CDH13: variants seen among roughly 807,000 people sequenced by gnomAD.
CDH13 encodes cadherin 13.
In CDH13, 24 loss-of-function variants were observed where a neutral mutation model predicts 63.8. The observed-to-expected ratio is 0.38, with a 90% CI of 0.27 to 0.53. The LOEUF (loss-of-function observed/expected upper bound fraction) is 0.53. Among genes scored for constraint, CDH13 ranks in the 20% least tolerant of loss-of-function variants. The pLI, the probability that CDH13 is intolerant of heterozygous loss-of-function variation, is 0.85. For missense variants in CDH13, 1,049 were observed against 903.1 expected, an observed-to-expected ratio of 1.16 and a Z score of -2.07; for synonymous variants, 503 against 355.3, an observed-to-expected ratio of 1.42 and a Z score of -4.67.
intron 6 of CDH13, among the ~76,000 whole-genome samples, chr16:83,430,402 A>T (rs541014396): frequency 6.6e-6 from 1 of 152,262 alleles, no homozygotes; most frequent in African/African-American, 2.4e-5. Context: ...TAAATGAAAA[A>T]CCTGATTTCT....
At chr16:82,669,862 T>C (rs958755237) in intron 1 of CDH13, among the ~76,000 whole-genome samples, 1 of 152,254 alleles carries the variant, frequency 6.6e-6, no homozygotes, top group African/African-American at 2.4e-5. Flanking sequence ...AATGGATCTC[T>C]ATAAGGCAGC....
intron 2 of CDH13, among the ~76,000 whole-genome samples, chr16:83,031,129 A>G (rs538950513): frequency 6.7e-6 from 1 of 149,796 alleles, no homozygotes; most frequent in African/African-American, 2.4e-5. Context: ...TATACATTAC[A>G]TGCACATATA....
intron 2 of CDH13, among the ~76,000 whole-genome samples, chr16:82,881,264 G>T (rs989354382): frequency 6.6e-6 from 1 of 152,122 alleles, no homozygotes. Context: ...GGATGCCATG[G>T]GTTGAAGTCT....
chr16:83,286,925 C>T (rs1343547021), intron 5 of CDH13, among the ~76,000 whole-genome samples: 2 of 152,016 alleles, frequency 1.3e-5, no homozygotes, highest in Non-Finnish European at 2.9e-5. Context: ...TTGATTCCTA[C>T]TTGTCCCCCT....
At chr16:83,231,755 A>G (rs1025570548) in intron 5 of CDH13, among the ~76,000 whole-genome samples, 2 of 152,142 alleles carry the variant, frequency 1.3e-5, no homozygotes, top group Non-Finnish European at 2.9e-5. Flanking sequence ...ACCCCGGACT[A>G]GATGAACCCT....
At chr16:83,706,037 T>A (rs1290751271) in intron 10 of CDH13, among the ~76,000 whole-genome samples, 1 of 152,194 alleles carries the variant, frequency 6.6e-6, no homozygotes, top group African/African-American at 2.4e-5. Flanking sequence ...GGCTCAGGAA[T>A]GTGAGCAGGG....
At position 83,740,997 on chromosome 16, in the gene CDH13, A is replaced by G. The variant is rs898084282; in HGVS notation, c.1539-7111A>G. Among the ~76,000 whole-genome samples, 7 of 152,324 alleles carry G rather than the reference A, an allele frequency of 4.6e-5. No individual in the cohort carries two copies. In the East Asian group the frequency reaches 9.7e-4, roughly 21 times the overall value. On this transcript the variant is annotated intron_variant, in intron 10 of 13. Coordinates refer to ENST00000567109, the MANE Select transcript of CDH13 (RefSeq NM_001257.5). ...TCAGGCAGGTCCAGATGGATCCTCTAGGGCCCTAGAGACCATGGCAGTCCT... is the reference window on the plus strand; with the variant it reads ...TCAGGCAGGTCCAGATGGATCCTCTGGGGCCCTAGAGACCATGGCAGTCCT...
At chr16:83,364,726 G>A (rs2091226406) in intron 6 of CDH13, among the ~76,000 whole-genome samples, 1 of 152,156 alleles carries the variant, frequency 6.6e-6, no homozygotes, top group Non-Finnish European at 1.5e-5. Flanking sequence ...GTTCTCTAGG[G>A]AAACAGAAAC....
At chr16:82,721,444 G>A (rs779460941) in intron 1 of CDH13, among the ~76,000 whole-genome samples, 2 of 152,118 alleles carry the variant, frequency 1.3e-5, no homozygotes, top group Non-Finnish European at 2.9e-5. Flanking sequence ...GAGGGAGTAG[G>A]GTAGAAGGTG....
intron 3 of CDH13, among the ~76,000 whole-genome samples, chr16:83,099,659 C>G (rs949830380): frequency 9.1e-6 from 1 of 109,318 alleles, no homozygotes; most frequent in African/African-American, 3.1e-5. Flanking sequence ...CATAACAGCC[C>G]ATGATTCCAC....
chr16:82,793,811 T>G (rs1037899894), intron 1 of CDH13, among the ~76,000 whole-genome samples: 1 of 152,140 alleles, frequency 6.6e-6, no homozygotes, highest in African/African-American at 2.4e-5. Context: ...TAGAGATGAC[T>G]GCATCTCAGG....
intron 1 of CDH13, among the ~76,000 whole-genome samples, chr16:82,800,311 C>A (rs796813258): frequency 6.6e-6 from 1 of 152,092 alleles, no homozygotes; most frequent in Admixed American, 6.5e-5. Flanking sequence ...GTATTTTTCT[C>A]GTATGAAGAC....
Position 83,783,272 on chromosome 16 carries a change from G to C in CDH13, c.1934G>C (p.Ser645Thr), listed in dbSNP as rs779202676. The change falls in exon 13 of 14, where the codon AGC becomes ACC. Residue 645 changes from serine (S) to threonine (T), a missense_variant. Coordinates refer to ENST00000567109, the MANE Select transcript of CDH13 (RefSeq NM_001257.5). ...SKINNTHALV[S>T]LLQNLNKANY... ...TTTACAGATACACACGCCCTGGTAA[G>C]CCTTCTTCAAAATCTGAACAAAGCA... is the stretch of plus-strand genomic sequence containing the variant. The C allele has an allele frequency of 1.1e-5, 18 of 1,613,644 alleles. No homozygotes were observed. Among genetic ancestry groups the C allele is most frequent in the Non-Finnish European group, 1.5e-5 (18 of 1,179,756 alleles).
intron 5 of CDH13, among the ~76,000 whole-genome samples, chr16:83,286,225 C>T (rs1015733488): frequency 2.0e-5 from 3 of 152,222 alleles, no homozygotes; most frequent in Admixed American, 1.3e-4. Flanking sequence ...ACTCTTCCCA[C>T]ATCAGCCCCA....
chr16:83,629,690 A>G (rs1054333860), intron 8 of CDH13, among the ~76,000 whole-genome samples: 1 of 152,140 alleles, frequency 6.6e-6, no homozygotes, highest in Non-Finnish European at 1.5e-5. Flanking sequence ...CGAGAAGTCT[A>G]CTCTCCACTT....
At chr16:82,687,697 A>C (rs1010125239) in intron 1 of CDH13, among the ~76,000 whole-genome samples, 1 of 152,132 alleles carries the variant, frequency 6.6e-6, no homozygotes, top group Non-Finnish European at 1.5e-5. Flanking sequence ...ATTCAAGATG[A>C]AATGTGGCTG....
intron 1 of CDH13, among the ~76,000 whole-genome samples, chr16:82,710,888 A>G (rs1036232603): frequency 2.6e-5 from 4 of 151,634 alleles, no homozygotes; most frequent in Non-Finnish European, 4.4e-5. Flanking sequence ...ATAAGCATAT[A>G]TGAAAGAACA....
At chr16:82,797,043 T>C (rs1351621190) in intron 1 of CDH13, among the ~76,000 whole-genome samples, 5 of 152,252 alleles carry the variant, frequency 3.3e-5, no homozygotes, top group Admixed American at 1.3e-4. Flanking sequence ...GATTCTTCCA[T>C]GACTATGTAC....
chr16:83,583,339 C>T (rs56058612), intron 7 of CDH13, among the ~76,000 whole-genome samples: 20,111 of 148,452 alleles, frequency 0.14, 1,505 homozygotes, highest in Middle Eastern at 0.21. Flanking sequence ...ATATTTTGGG[C>T]GACCACCATT....
Sources: allele counts gnomAD v4.1 joint callset (sites outside exome capture counted in the v4.1 genomes callset), GRCh38; gene constraint gnomAD v4.1.1; transcripts MANE v1.5; gene names NCBI Gene and HGNC (gene_info 2026-07-23, HGNC 2026-07-21).